MORN1: variants seen among roughly 807,000 people sequenced by gnomAD.
MORN1 encodes the protein MORN repeat containing 1.
In MORN1, 67 loss-of-function variants were observed where a neutral mutation model predicts 61.9. The observed-to-expected ratio is 1.08, with a 90% CI of 0.89 to 1.33. The LOEUF (loss-of-function observed/expected upper bound fraction) is 1.33. MORN1 is among the 40% of genes most tolerant of loss of function. MORN1 has a pLI of 0.00. For synonymous variants in MORN1, 301 were observed against 292.0 expected (o/e 1.03, Z -0.31); for missense variants, 752 against 691.2 (o/e 1.09, Z -0.99).
chr1:2,358,547 TCAAAA>T (rs748921724), intron 9 of MORN1, 40 bp downstream of exon 9: 5 of 1,612,118 alleles, frequency 3.1e-6, no homozygotes, highest in African/African-American at 1.3e-5. Context: ...CTAAATGAAC[TCAAAA>T]CAAACTCAGA....
Position 2,321,612 on chromosome 1 carries a change from G to C in MORN1, c.1298-33C>G, listed in dbSNP as rs890659923. 7.6e-6 allele frequency: 11 copies of C among 1,440,804 alleles called. No homozygotes were observed. In the Admixed American group the frequency reaches 2.8e-4, roughly 37 times the overall value. 89.3% of individuals were successfully genotyped at this position (1,440,804 alleles called of 1,614,324 possible). A position where few individuals can be genotyped will look rare whatever the true frequency, so the allele number is the denominator to read the frequency against. On this transcript the variant is annotated intron_variant, in intron 13 of 13. Transcript: ENST00000378531. ...GGGCGGGTGGGCTGGTCCTCAGCAG[G>C]CTCCTGTCCCTTCCCCTCCCTGGCC... is the stretch of plus-strand genomic sequence containing the variant.
At position 2,334,354 on chromosome 1, in the gene MORN1, C is replaced by T. The variant is rs541063933; in HGVS notation, c.1250+2115G>A. Among the ~76,000 whole-genome samples, 2 of 152,268 alleles carry T rather than the reference C, an allele frequency of 1.3e-5. No homozygotes were observed. Among genetic ancestry groups the T allele is most frequent in the South Asian group, 2.1e-4 (1 of 4,826 alleles). The stretch of plus-strand genomic sequence containing the variant: ...CCCAGGTTTGTCTCTAAGTCGCTGC[C>T]GCCCCATGATCCATGGCGGAGAGGC... On this transcript the variant is annotated intron_variant, in intron 12 of 13. Transcript: ENST00000378531. The surrounding 1 kb of genome is among the most constrained non-coding windows in gnomAD (Gnocchi z 5.4).
rs1308457307 is a variant in MORN1 at position 2,337,289 on chromosome 1, G to A, written c.1037-439C>T. ...TGAGGAGGAAGATGGTTCTGCCCCA[G>A]CGGCCCATCAAGATGGACCTGGCGT... On this transcript the variant is annotated intron_variant, in intron 10 of 13. Transcript: ENST00000378531. The surrounding 1 kb of genome is among the most constrained non-coding windows in gnomAD (Gnocchi z 5.7). Among the ~76,000 whole-genome samples, 1 of 152,210 alleles carries A rather than the reference G, an allele frequency of 6.6e-6. No homozygotes were observed.
At chr1:2,369,711 A>G (rs952235092) in intron 8 of MORN1, among the ~76,000 whole-genome samples, 1 of 145,268 alleles carries the variant, frequency 6.9e-6, no homozygotes, top group Non-Finnish European at 1.5e-5. Context: ...CAGCATTTAG[A>G]AATAATTAAT....
chr1:2,325,679 G>A (rs1040648732), intron 12 of MORN1, among the ~76,000 whole-genome samples: 3 of 145,402 alleles, frequency 2.1e-5, no homozygotes, highest in African/African-American at 7.8e-5. Flanking sequence ...ATAGAGACAG[G>A]GTCTCACTCT....
intron 12 of MORN1, among the ~76,000 whole-genome samples, chr1:2,331,086 C>T (rs1641138707): frequency 6.6e-6 from 1 of 152,340 alleles, no homozygotes; most frequent in African/African-American, 2.4e-5. Context: ...GCCCTCATGT[C>T]TGGTCTGTGT....
chr1:2,351,907 C>T, intron 10 of MORN1: 2 of 505,246 alleles, frequency 4.0e-6, no homozygotes, highest in East Asian at 5.0e-5. Context: ...CTTGGAGCTT[C>T]TGAACCTGGT....
At position 2,336,449 on chromosome 1, in the gene MORN1, G is replaced by A; in HGVS notation, c.1250+20C>T. The A allele has an allele frequency of 6.2e-7, 1 of 1,608,028 alleles. No homozygotes were observed. The highest frequency in any genetic ancestry group is 8.5e-7 in the Non-Finnish European group (1 of 1,177,094). On this transcript the variant is annotated intron_variant, in intron 12 of 13. Coordinates refer to ENST00000378531, the MANE Select transcript of MORN1 (RefSeq NM_024848.3). ...CAGCTGACCCTCCGAACACCTGCAG[G>A]TGGGGTGGGCTCATCCTACCTGCTG... is the stretch of plus-strand genomic sequence containing the variant.
intron 8 of MORN1, among the ~76,000 whole-genome samples, chr1:2,359,020 G>A (rs1641837548): frequency 6.6e-6 from 1 of 152,110 alleles, no homozygotes; most frequent in Admixed American, 6.5e-5. Context: ...TCTAGGCCTC[G>A]GGGACCCCTG....
chr1:2,324,415 G>C (rs1057306669), intron 12 of MORN1, among the ~76,000 whole-genome samples: 2 of 152,198 alleles, frequency 1.3e-5, no homozygotes, highest in Non-Finnish European at 2.9e-5. Flanking sequence ...GAGCAGGAGT[G>C]GGACCGACCA....
chr1:2,351,540 C>T, intron 10 of MORN1: 1 of 197,328 alleles, frequency 5.1e-6, no homozygotes, highest in South Asian at 7.9e-5. Context: ...AGAGTCTTTG[C>T]CAGCACATTG....
chr1:2,357,444 CA>C lies in MORN1; in HGVS notation c.1023del (p.Gly342ValfsTer91). On this transcript the variant is annotated frameshift_variant, in exon 10 of 14. Transcript: ENST00000378531. LOFTEE classifies it high-confidence loss of function. This position sits in a 1 kb window ranked among gnomAD's most constrained non-coding sequence, Gnocchi z 6.3. The part of the protein sequence containing the change: ...LGALHGQEDT[P>X]GGLLARGHAP... ...GAGCTCCACTTACCAAGCAGGCCAC[CA>C]GGGGTGTCCTCCTGGCCATGGAGGG... 1 of 1,607,748 alleles carries C rather than the reference CA, an allele frequency of 6.2e-7. No individual in the cohort carries two copies. The highest frequency in any genetic ancestry group is 8.5e-7 in the Non-Finnish European group (1 of 1,176,926).
chr1:2,369,856 C>T (rs1642077249), intron 8 of MORN1, among the ~76,000 whole-genome samples: 1 of 152,158 alleles, frequency 6.6e-6, no homozygotes. Context: ...TGGAGAGATG[C>T]TTCTGTGTTC....
chr1:2,360,884 T>G (rs1224802289), intron 8 of MORN1, among the ~76,000 whole-genome samples: 2 of 152,194 alleles, frequency 1.3e-5, no homozygotes, highest in Admixed American at 1.3e-4. Context: ...CTTGCCACAG[T>G]CATGGGGAAC....
At chr1:2,351,155 C>G (rs567833348) in intron 10 of MORN1, 2 of 152,780 alleles carry the variant, frequency 1.3e-5, no homozygotes, top group Admixed American at 1.3e-4. Context: ...TGAAGTCCAG[C>G]TGGGAACGGC....
At chr1:2,384,067 C>T (rs760198683) in intron 6 of MORN1, among the ~76,000 whole-genome samples, 2 of 152,186 alleles carry the variant, frequency 1.3e-5, no homozygotes, top group South Asian at 4.1e-4. Context: ...TCTTTCATTA[C>T]GTTTTTCCCA....
intron 13 of MORN1, chr1:2,322,579 G>A: frequency 1.0e-6 from 1 of 985,380 alleles, no homozygotes; most frequent in African/African-American, 1.7e-5. Flanking sequence ...ACGGTTCTGG[G>A]GGGCCTCGCC....
At chr1:2,338,334 G>A (rs528243973) in intron 10 of MORN1, among the ~76,000 whole-genome samples, 1 of 152,342 alleles carries the variant, frequency 6.6e-6, no homozygotes, top group East Asian at 1.9e-4. Flanking sequence ...TCTCCCAGCA[G>A]CTTTTGCTGG....
chr1:2,367,420 G>T (rs1013838124), intron 8 of MORN1, among the ~76,000 whole-genome samples: 1 of 150,270 alleles, frequency 6.7e-6, no homozygotes, highest in Non-Finnish European at 1.5e-5. Flanking sequence ...GGGAGTTTGA[G>T]ACCAGCCTGG....
Sources: allele counts gnomAD v4.1 joint callset (sites outside exome capture counted in the v4.1 genomes callset), GRCh38; gene constraint gnomAD v4.1.1; non-coding constraint Gnocchi (gnomAD v3.1); transcripts MANE v1.5; gene names NCBI Gene and HGNC (gene_info 2026-07-23, HGNC 2026-07-21).